HERC5: variants seen among roughly 807,000 people sequenced by gnomAD.
HERC5 encodes HECT and RLD domain containing E3 ubiquitin protein ligase 5.
In HERC5, 99 loss-of-function variants were observed where a neutral mutation model predicts 119.6. The observed-to-expected ratio is 0.83, with a 90% confidence interval of 0.70 to 0.98. The LOEUF (loss-of-function observed/expected upper bound fraction) is 0.98. Ranked by LOEUF, HERC5 falls within the 50% of genes least tolerant of loss-of-function variation. The pLI is 0.00. For missense variants in HERC5, 1,267 were observed against 1,241.3 expected (o/e 1.02, Z -0.31); for synonymous variants, 478 against 445.9 (o/e 1.07, Z -0.91).
intron 16 of HERC5, among the ~76,000 whole-genome samples, chr4:88,491,355 G>T (rs1741633797): frequency 6.6e-6 from 1 of 152,186 alleles, no homozygotes; most frequent in Non-Finnish European, 1.5e-5. Flanking sequence ...GAATCTGAAG[G>T]TTAAATACGT....
Position 88,504,499 on chromosome 4 carries a change from C to A in HERC5, c.2771C>A (p.Ala924Glu). The A allele has an allele frequency of 6.4e-7, 1 of 1,574,316 alleles. No individual in the cohort carries two copies. The highest frequency in any genetic ancestry group is 8.6e-7 in the Non-Finnish European group (1 of 1,159,602). The change falls in exon 22 of 23, where the codon GCA (alanine) becomes GAA (glutamate). Residue 924 changes from alanine to glutamate, a missense_variant. Ala to Glu is a moderately radical substitution (Grantham distance 107). Transcript: ENST00000264350. ...DYDWKTFEKN[A>E]RYEPGYNSSH... ...TTTTTTTTGTATTTTCTCTAGAATG[C>A]ACGTTATGAACCAGGATATAACAGT...
chr4:88,494,119 CT>C, intron 17 of HERC5, 45 bp from the exon 18 acceptor site: 1 of 1,185,880 alleles, frequency 8.4e-7, no homozygotes, highest in Non-Finnish European at 1.2e-6. Flanking sequence ...TTTCATTGTA[CT>C]GGTAAAAACT....
At chr4:88,483,444 G>A (rs2149099587) in intron 13 of HERC5, among the ~76,000 whole-genome samples, 1 of 150,464 alleles carries the variant, frequency 6.6e-6, no homozygotes, top group Non-Finnish European at 1.5e-5. Flanking sequence ...CTGGCCTCAA[G>A]TGATTCTCCA....
At chr4:88,501,063 T>A in intron 20 of HERC5, 78 bp downstream of exon 20, 2 of 952,820 alleles carry the variant, frequency 2.1e-6, no homozygotes, top group South Asian at 3.1e-5. Context: ...TCCTTTTAGC[T>A]CTTTAATTTT....
At position 88,462,238 on chromosome 4, in the gene HERC5, A is replaced by AGTACCC; in HGVS notation, c.571_576dup (p.Val191_Pro192dup). The AGTACCC allele has an allele frequency of 6.2e-7, 1 of 1,614,230 alleles. No homozygotes were observed. Among genetic ancestry groups the AGTACCC allele is most frequent in the Non-Finnish European group, 8.5e-7 (1 of 1,180,052 alleles). Reference sequence around the variant, plus strand: ...CACAGATTGTGGAGCACCTCGCAGGAGTACCCTTGGCTCAGATTTCTGCCG... The same window carrying AGTACCC: ...CACAGATTGTGGAGCACCTCGCAGGAGTACCCGTACCCTTGGCTCAGATTTCTGCCG... On this transcript the variant is annotated inframe_insertion, in exon 4 of 23. Coordinates refer to ENST00000264350, the MANE Select transcript of HERC5 (RefSeq NM_016323.4).
intron 16 of HERC5, among the ~76,000 whole-genome samples, chr4:88,491,425 G>A (rs926010170): frequency 1.3e-5 from 2 of 152,090 alleles, no homozygotes; most frequent in Non-Finnish European, 2.9e-5. Flanking sequence ...CAGAGAGAAA[G>A]GACAGAAGTG....
chr4:88,490,989 A>G (rs1400901009), intron 16 of HERC5, among the ~76,000 whole-genome samples: 1 of 152,106 alleles, frequency 6.6e-6, no homozygotes, highest in African/African-American at 2.4e-5. Flanking sequence ...CCACTTTTAT[A>G]TATTGTTCAT....
rs569157293 is a variant in HERC5 at position 88,465,110 on chromosome 4, T to A, written c.911+1125T>A. ...TTGTATTTTTAGTAGAGTCGGGGTTTCACCGTGTTGGCCAGGCTGGTCTTG... is the reference window on the plus strand; with the variant it reads ...TTGTATTTTTAGTAGAGTCGGGGTTACACCGTGTTGGCCAGGCTGGTCTTG... On this transcript the variant is annotated intron_variant, in intron 6 of 22. Coordinates refer to ENST00000264350, the MANE Select transcript of HERC5 (RefSeq NM_016323.4). Among the ~76,000 whole-genome samples the A allele has an allele frequency of 1.1e-4, 16 of 152,294 alleles. No individual in the cohort carries two copies. The South Asian group carries it at 3.3e-3, about 32-fold the overall frequency.
intron 6 of HERC5, among the ~76,000 whole-genome samples, chr4:88,464,894 C>T (rs577962954): frequency 2.6e-5 from 4 of 152,164 alleles, no homozygotes; most frequent in African/African-American, 9.7e-5. Context: ...CCTCAGCCTC[C>T]GGAGTAGCTG....
intron 20 of HERC5, among the ~76,000 whole-genome samples, chr4:88,503,327 G>A (rs916077300): frequency 2.0e-5 from 3 of 151,986 alleles, no homozygotes; most frequent in African/African-American, 4.8e-5. Context: ...TGTTTAAATC[G>A]TCTTTTGTCA....
intron 4 of HERC5, among the ~76,000 whole-genome samples, chr4:88,462,829 C>T (rs1740499510): frequency 6.6e-6 from 1 of 152,204 alleles, no homozygotes; most frequent in African/African-American, 2.4e-5. Context: ...TCAATTATGT[C>T]TGTAAACACA....
At chr4:88,498,298 C>T (rs1261942902) in intron 18 of HERC5, among the ~76,000 whole-genome samples, 1 of 152,142 alleles carries the variant, frequency 6.6e-6, no homozygotes, top group Non-Finnish European at 1.5e-5. Flanking sequence ...ATCAAAAGCA[C>T]CCAACACTAA....
At chr4:88,494,465 C>T in intron 18 of HERC5, 134 bp downstream of exon 18, 1 of 739,238 alleles carries the variant, frequency 1.4e-6, no homozygotes, top group South Asian at 1.8e-5. Flanking sequence ...TTAACTTTGA[C>T]AAGAATTGTT....
rs1419725757 is a variant in HERC5 at position 88,468,411 on chromosome 4, A to G, written c.1123A>G (p.Ile375Val). The stretch of plus-strand genomic sequence containing the variant: ...AGGGAATCAAAGCATTTTGCTCTGG[A>G]TAAAGAAAGAGGTAAAAATAGATCT... Reference protein sequence around the residue: ...AGGNQSILLWIKKENSYVNLK... With the variant: ...AGGNQSILLWVKKENSYVNLK... The change falls in exon 8 of 23, where the codon ATA becomes GTA. Residue 375 changes from isoleucine to valine, a missense_variant. Ile to Val is a conservative substitution (Grantham distance 29). Transcript: ENST00000264350. 3 of 1,608,064 alleles carry G rather than the reference A, an allele frequency of 1.9e-6. No individual in the cohort carries two copies. Among genetic ancestry groups the G allele is most frequent in the Non-Finnish European group, 8.5e-7 (1 of 1,175,388 alleles).
chr4:88,480,066 CAAAAAAAAAAA>C (rs58577205), intron 13 of HERC5, among the ~76,000 whole-genome samples: 5 of 93,948 alleles, frequency 5.3e-5, no homozygotes, highest in African/African-American at 1.8e-4. Context: ...GACTCCGTCT[CAAAAAAAAAAA>C]AAAAAAAAGA....
At chr4:88,500,815 A>G (rs1400389784) in intron 19 of HERC5, 100 bp from the exon 20 acceptor site, 1 of 894,552 alleles carries the variant, frequency 1.1e-6, no homozygotes. Context: ...GTACATTTTA[A>G]CACATTCTTT....
rs539646672 is a variant in HERC5 at position 88,505,557 on chromosome 4, G to A, written c.2870-116G>A. Reference sequence around the variant, plus strand: ...TACAATCCCCAATGCACTGTCAAATGTAGGACACTGCACATGGGCTCCAGT... The same window carrying A: ...TACAATCCCCAATGCACTGTCAAATATAGGACACTGCACATGGGCTCCAGT... On this transcript the variant is annotated intron_variant, in intron 22 of 22. Transcript: ENST00000264350. The A allele has an allele frequency of 4.7e-5, 30 of 644,678 alleles. No individual in the cohort carries two copies. In the East Asian group the frequency reaches 6.3e-4, roughly 13 times the overall value. 39.9% of individuals were successfully genotyped at this position (644,678 alleles called of 1,614,324 possible). A position where few individuals can be genotyped will look rare whatever the true frequency, so the allele number is the denominator to read the frequency against.
At chr4:88,489,644 C>T (rs1028380921) in intron 16 of HERC5, among the ~76,000 whole-genome samples, 2 of 152,092 alleles carry the variant, frequency 1.3e-5, no homozygotes, top group Non-Finnish European at 2.9e-5. Context: ...TGGCTAGCAC[C>T]ACCCTTGAAG....
rs1320186685 is a variant in HERC5 at position 88,469,176 on chromosome 4, AG to A, written c.1155del (p.Arg386GlyfsTer6). 6.2e-7 allele frequency: 1 copy of A among 1,609,944 alleles called. No individual in the cohort carries two copies. Among genetic ancestry groups the A allele is most frequent in the South Asian group, 1.1e-5 (1 of 90,794 alleles). On this transcript the variant is annotated frameshift_variant, in exon 9 of 23. Coordinates refer to ENST00000264350, the MANE Select transcript of HERC5 (RefSeq NM_016323.4). LOFTEE classifies it high-confidence loss of function. ...TTACAGAATTCATATGTTAATCTGA[AG>A]AGGACAATTCCTACTCTGAATGAAG... ...IKKENSYVNLKRTIPTLNEGT... is the reference protein window; with the variant it reads ...IKKENSYVNLXRTIPTLNEGT...
Sources: allele counts gnomAD v4.1 joint callset (sites outside exome capture counted in the v4.1 genomes callset), GRCh38; gene constraint gnomAD v4.1.1; transcripts MANE v1.5; gene names NCBI Gene and HGNC (gene_info 2026-07-23, HGNC 2026-07-21).